Variants in PALB2 observed in about 807,000 individuals in gnomAD.
The protein encoded by PALB2 is mutant partner and localizer of BRCA2.
PALB2 carries 82 observed loss-of-function variants against 107.4 expected under a neutral mutation model. The observed-to-expected ratio is 0.76, with a 90% confidence interval of 0.64 to 0.92. The LOEUF (loss-of-function observed/expected upper bound fraction) is 0.92, where lower values mean the gene tolerates loss of function less well. PALB2 is among the 40% of genes least tolerant of loss of function. PALB2 has a pLI of 0.00. For synonymous variants in PALB2, 489 were observed against 496.8 expected, an observed-to-expected ratio of 0.98 and a Z score of 0.21; for missense variants, 1,374 against 1,379.9, an observed-to-expected ratio of 1.00 and a Z score of 0.07.
chr16:23,611,802 G>A lies in PALB2; in HGVS notation c.3201+2202C>T, dbSNP rs866116564. 2.6e-5 allele frequency among the ~76,000 whole-genome samples: 4 copies of A among 152,246 alleles called. No individual in the cohort carries two copies. The South Asian group carries it at 8.3e-4, about 32-fold the overall frequency. On this transcript the variant is annotated intron_variant, in intron 11 of 12. Transcript: ENST00000261584. ...AGGGTCTCACTCTATCGCCCAGGCT[G>A]GAGTACAGTGGTGCCATCATGGCTC...
chr16:23,629,811 G>T lies in PALB2; in HGVS notation c.2343C>A (p.Ser781Arg), dbSNP rs1060499820. 1 of 1,614,176 alleles carries T rather than the reference G, an allele frequency of 6.2e-7. No individual in the cohort carries two copies. Among genetic ancestry groups the T allele is most frequent in the Non-Finnish European group, 8.5e-7 (1 of 1,180,028 alleles). ...GCAGGGTGGTATGTGGTTTTGCTGG[G>T]CTGCCTGAACTGTCGAATTGTTTAG... ...SDTKQFDSSGSPAKPHTTLQV... is the reference protein window; with the variant it reads ...SDTKQFDSSGRPAKPHTTLQV... The change falls in exon 5 of 13, where the codon AGC becomes AGA. Residue 781 changes from serine (S) to arginine (R), a missense_variant. By Grantham distance (110) the Ser-to-Arg change is moderately radical. Transcript: ENST00000261584.
At position 23,607,851 on chromosome 16, in the gene PALB2, T is replaced by C. The variant is rs757337943; in HGVS notation, c.3350+13A>G. 1.2e-6 allele frequency: 2 copies of C among 1,613,662 alleles called. No individual in the cohort carries two copies. Among genetic ancestry groups the C allele is most frequent in the Non-Finnish European group, 1.7e-6 (2 of 1,179,908 alleles). The stretch of plus-strand genomic sequence containing the variant: ...AATGTCCCACCCATAGAGTAGCAGT[T>C]ATGCACACTTGCCTGCCAGCCTGCC... On this transcript the variant is annotated intron_variant, in intron 12 of 12. Coordinates refer to ENST00000261584, the MANE Select transcript of PALB2 (RefSeq NM_024675.4).
chr16:23,617,390 G>C (rs1458259220), intron 10 of PALB2, among the ~76,000 whole-genome samples: 1 of 151,852 alleles, frequency 6.6e-6, no homozygotes, highest in African/African-American at 2.4e-5. Flanking sequence ...AAAAACGAGA[G>C]AGGATAAATA....
At chr16:23,609,798 G>A (rs1023152183) in intron 11 of PALB2, among the ~76,000 whole-genome samples, 1 of 152,084 alleles carries the variant, frequency 6.6e-6, no homozygotes, top group Admixed American at 6.6e-5. Context: ...TTACAGGCGT[G>A]AGCCACCGCG....
Position 23,624,073 on chromosome 16 carries a change from G to C in PALB2, c.2770C>G (p.Pro924Ala), listed in dbSNP as rs759170274. Reference protein sequence around the residue: ...FAEVPVLQIVPVPDVYNLVCV... With the variant: ...FAEVPVLQIVAVPDVYNLVCV... Reference sequence around the variant, plus strand: ...ACGAGATTATACACATCAGGCACTGGAACTATCTGTAATACTGGAACCTAA... The same window carrying C: ...ACGAGATTATACACATCAGGCACTGCAACTATCTGTAATACTGGAACCTAA... The change falls in exon 8 of 13, where the codon CCA (proline) becomes GCA (alanine). Residue 924 changes from proline to alanine, a missense_variant. Pro to Ala is a conservative substitution (Grantham distance 27). Coordinates refer to ENST00000261584, the MANE Select transcript of PALB2 (RefSeq NM_024675.4). 1 of 1,607,136 alleles carries C rather than the reference G, an allele frequency of 6.2e-7. No homozygotes were observed. The highest frequency in any genetic ancestry group is 1.1e-5 in the South Asian group (1 of 90,910).
chr16:23,635,963 T>C lies in PALB2; in HGVS notation c.583A>G (p.Ile195Val), dbSNP rs760784181. The change falls in exon 4 of 13, where the codon ATA becomes GTA. Residue 195 changes from isoleucine to valine, a missense_variant. Physicochemically the swap from Ile to Val is conservative, Grantham distance 29. Coordinates refer to ENST00000261584, the MANE Select transcript of PALB2 (RefSeq NM_024675.4). Reference protein sequence around the residue: ...KNPARSPVTEIRTHLLSLKSE... With the variant: ...KNPARSPVTEVRTHLLSLKSE... Reference sequence around the variant, plus strand: ...TTAAGACTTAAAAGGTGAGTTCTTATTTCAGTTACTGGTGATCTAGCAGGA... The same window carrying C: ...TTAAGACTTAAAAGGTGAGTTCTTACTTCAGTTACTGGTGATCTAGCAGGA... The C allele has an allele frequency of 3.5e-5, 57 of 1,614,054 alleles. No individual in the cohort carries two copies. The South Asian group carries it at 6.0e-4, about 17-fold the overall frequency.
At chr16:23,639,528 A>AG (rs1417426397) in intron 1 of PALB2, among the ~76,000 whole-genome samples, 1 of 146,218 alleles carries the variant, frequency 6.8e-6, no homozygotes, top group African/African-American at 2.5e-5. Flanking sequence ...AAAAAAAAAA[A>AG]AAAAAAAAAG....
chr16:23,606,202 G>A (rs1399935993), intron 12 of PALB2, among the ~76,000 whole-genome samples: 4 of 151,724 alleles, frequency 2.6e-5, no homozygotes, highest in Non-Finnish European at 4.4e-5. Flanking sequence ...TTATATGAAA[G>A]CACATACTGC....
rs786201806 is a variant in PALB2 at position 23,635,125 on chromosome 16, C to G, written c.1421G>C (p.Ser474Thr). 1.2e-6 allele frequency: 2 copies of G among 1,614,184 alleles called. No homozygotes were observed. Among genetic ancestry groups the G allele is most frequent in the South Asian group, 2.2e-5 (2 of 91,078 alleles). ...RMSGTCTGQP[S>T]SRTSQKLLSL... is the part of the protein sequence containing the mutation. Reference sequence around the variant, plus strand: ...GAGAAGTTTCTGAGAGGTTCTTGAACTTGGTTGTCCTGTGCATGTGCCAGA... The same window carrying G: ...GAGAAGTTTCTGAGAGGTTCTTGAAGTTGGTTGTCCTGTGCATGTGCCAGA... Residue 474 changes from serine to threonine, a missense_variant, in exon 4 of 13, where the codon AGT (serine) becomes ACT (threonine). Ser to Thr is a moderately conservative substitution (Grantham distance 58, BLOSUM62 1). Coordinates refer to ENST00000261584, the MANE Select transcript of PALB2 (RefSeq NM_024675.4).
Position 23,641,134 on chromosome 16 carries a change from G to A in PALB2, c.24C>T (p.Pro8=), listed in dbSNP as rs766487850. 2 of 1,613,448 alleles carry A rather than the reference G, an allele frequency of 1.2e-6. No individual in the cohort carries two copies. The highest frequency in any genetic ancestry group is 1.7e-6 in the Non-Finnish European group (2 of 1,179,860). MDEPPGK[P]LSCEEKEKLK... is the part of the protein sequence containing the mutation. ...CCTTTTCCTTCTCCTCACAGCTGAG[G>A]GGCTTCCCGGGAGGCTCGTCCATCG... The change falls in exon 1 of 13, where the codon CCC becomes CCT. Residue 8 remains proline (P), a synonymous_variant. Transcript: ENST00000261584.
chr16:23,609,693 AC>A (rs753995130), intron 11 of PALB2, among the ~76,000 whole-genome samples: 102 of 151,790 alleles, frequency 6.7e-4, no homozygotes, highest in Non-Finnish European at 2.4e-4. Context: ...AATTTTTTGT[AC>A]TTTTAGTAGA....
intron 7 of PALB2, 27 bp downstream of exon 7, chr16:23,626,208 TC>T (rs759536121): frequency 1.2e-6 from 2 of 1,613,990 alleles, no homozygotes; most frequent in South Asian, 2.2e-5. Context: ...GCTGCAAAGA[TC>T]TCTTTCAGCT....
intron 11 of PALB2, 98 bp downstream of exon 11, chr16:23,613,906 C>T: frequency 1.2e-6 from 1 of 863,844 alleles, no homozygotes; most frequent in Admixed American, 2.1e-5. Context: ...AAAAAGATGC[C>T]ACGGGGAAGG....
chr16:23,637,779 A>G, intron 3 of PALB2, 71 bp downstream of exon 3: 1 of 1,220,896 alleles, frequency 8.2e-7, no homozygotes, highest in Non-Finnish European at 1.2e-6. Context: ...ACTGTGGGAA[A>G]AAGAACAATA....
chr16:23,623,811 G>A (rs1966819514), intron 8 of PALB2, 198 bp downstream of exon 8: 1 of 571,392 alleles, frequency 1.8e-6, no homozygotes, highest in Non-Finnish European at 3.1e-6. Context: ...GAGCCACTGC[G>A]CCCAGCCTAG....
intron 11 of PALB2, among the ~76,000 whole-genome samples, chr16:23,609,680 G>A (rs1442459918): frequency 6.6e-6 from 1 of 152,066 alleles, no homozygotes; most frequent in Admixed American, 6.6e-5. Flanking sequence ...ACCACGCCCG[G>A]CTAATTTTTT....
At chr16:23,629,526 C>T (rs1039859397) in intron 5 of PALB2, 114 bp downstream of exon 5, 16 of 1,070,202 alleles carry the variant, frequency 1.5e-5, no homozygotes, top group East Asian at 2.4e-5. Context: ...CAAAGAAACA[C>T]GTCAAACCAT....
chr16:23,614,229 T>G (rs887463919), intron 10 of PALB2, 138 bp from the exon 11 acceptor site: 1 of 655,380 alleles, frequency 1.5e-6, no homozygotes, highest in Non-Finnish European at 2.7e-6. Flanking sequence ...TCTTTAGTCA[T>G]AGATTTAGGT....
chr16:23,640,299 G>A (rs916676153), intron 1 of PALB2: 1 of 200,574 alleles, frequency 5.0e-6, no homozygotes, highest in African/African-American at 2.3e-5. Context: ...GCACAAGCTG[G>A]AAACATCCTA....
Sources: gnomAD v4.1 joint callset for allele counts (sites outside exome capture counted in the v4.1 genomes callset) on GRCh38, gnomAD v4.1.1 for gene constraint, MANE v1.5 for transcripts, NCBI Gene and HGNC (gene_info 2026-07-23, HGNC 2026-07-21) for gene names.